Variants in ALMS1 observed in about 807,000 individuals in gnomAD.
ALMS1 encodes the protein ALMS1 centrosome and basal body associated protein.
Under a neutral mutation model 352.2 loss-of-function variants are expected in ALMS1, and 271 were observed. The ratio of observed to expected loss-of-function variants is 0.77; its 90% CI spans 0.70 to 0.85. The LOEUF (loss-of-function observed/expected upper bound fraction) is 0.85, where lower values mean the gene tolerates loss of function less well. Among genes scored for constraint, ALMS1 ranks in the 40% least tolerant of loss-of-function variants. The pLI is 0.00. For synonymous variants in ALMS1, 1,865 were observed against 1,761.2 expected (o/e 1.06, Z -1.48); for missense variants, 5,445 against 4,870.7 (o/e 1.12, Z -3.51).
intron 9 of ALMS1, among the ~76,000 whole-genome samples, chr2:73,473,147 C>T (rs190268763): frequency 1.3e-3 from 198 of 152,214 alleles, no homozygotes; most frequent in Non-Finnish European, 2.0e-3. Context: ...AGCTGACCTT[C>T]AGGCTCTGCC....
intron 1 of ALMS1, among the ~76,000 whole-genome samples, chr2:73,396,319 C>T (rs887628368): frequency 6.6e-6 from 1 of 151,808 alleles, no homozygotes; most frequent in African/African-American, 2.4e-5. Context: ...CACACACACA[C>T]ACACACACAC....
chr2:73,572,209 A>T, intron 15 of ALMS1, 53 bp from the exon 16 acceptor site: 1 of 1,456,346 alleles, frequency 6.9e-7, no homozygotes, highest in Non-Finnish European at 9.4e-7. Flanking sequence ...AGTATTTCTA[A>T]ACAGAATGCT....
rs767001515 is a variant in ALMS1 at position 73,602,319 on chromosome 2, C to G, written c.12249C>G (p.Asp4083Glu). 2 of 1,614,240 alleles carry G rather than the reference C, an allele frequency of 1.2e-6. No individual in the cohort carries two copies. Among genetic ancestry groups the G allele is most frequent in the Non-Finnish European group, 1.7e-6 (2 of 1,180,034 alleles). ...QTERDALFNI[D>E]RERQGHQNRM... is the part of the protein sequence containing the mutation. The stretch of plus-strand genomic sequence containing the variant: ...AGCGGGATGCACTATTCAACATTGA[C>G]AGGGAACGGCAGGGCCACCAGAATC... The change falls in exon 20 of 23, where the codon GAC becomes GAG. Residue 4083 changes from aspartate (D) to glutamate (E), a missense_variant. By Grantham distance (45) the Asp-to-Glu change is conservative. Coordinates refer to ENST00000613296, the MANE Select transcript of ALMS1 (RefSeq NM_001378454.1).
At chr2:73,484,897 A>G (rs560627142) in intron 9 of ALMS1, among the ~76,000 whole-genome samples, 1 of 152,126 alleles carries the variant, frequency 6.6e-6, no homozygotes, top group African/African-American at 2.4e-5. Flanking sequence ...TTCTTCACAT[A>G]GTTCTCGAGC....
In ALMS1 at chr2:73,452,502, A is replaced by C. The variant is rs746202114; in HGVS notation, c.5975A>C (p.His1992Pro). The C allele has an allele frequency of 1.2e-6, 2 of 1,614,124 alleles. No individual in the cohort carries two copies. Among genetic ancestry groups the C allele is most frequent in the Non-Finnish European group, 1.7e-6 (2 of 1,180,002 alleles). ...IGLSSSYSHSHKEKLKISTVH... is the reference protein window; with the variant it reads ...IGLSSSYSHSPKEKLKISTVH... ...CTGTCTAGTTCCTACTCACATTCAC[A>C]TAAAGAGAAACTCAAGATTTCAACT... The change falls in exon 8 of 23, where the codon CAT (histidine) becomes CCT (proline). Residue 1992 changes from histidine to proline, a missense_variant. His to Pro is a moderately conservative substitution (Grantham distance 77, BLOSUM62 -2). Coordinates refer to ENST00000613296, the MANE Select transcript of ALMS1 (RefSeq NM_001378454.1).
intron 21 of ALMS1, among the ~76,000 whole-genome samples, chr2:73,606,304 G>A (rs6546852): frequency 0.38 from 57,633 of 152,080 alleles, 15,072 homozygotes; most frequent in African/African-American, 0.74. Context: ...TTCAGCATTT[G>A]GGAGTGTGAA....
At chr2:73,400,623 A>G (rs959062141) in intron 1 of ALMS1, among the ~76,000 whole-genome samples, 3 of 152,174 alleles carry the variant, frequency 2.0e-5, no homozygotes, top group Non-Finnish European at 2.9e-5. Flanking sequence ...TCGAATAGAT[A>G]TAGGCCTCTT....
intron 9 of ALMS1, among the ~76,000 whole-genome samples, chr2:73,476,505 A>C (rs1402634016): frequency 6.6e-6 from 1 of 151,940 alleles, no homozygotes; most frequent in East Asian, 1.9e-4. Flanking sequence ...CACTGTTTAC[A>C]TTCCCACCAG....
intron 9 of ALMS1, among the ~76,000 whole-genome samples, chr2:73,460,495 A>G (rs1257596099): frequency 6.6e-6 from 1 of 152,218 alleles, no homozygotes; most frequent in African/African-American, 2.4e-5. Flanking sequence ...GCTCCGGTCT[A>G]CAGCTCCCAG....
rs1192396248 is a variant in ALMS1 at position 73,572,699 on chromosome 2, C to T, written c.10822C>T (p.Arg3608Ter). 8.1e-6 allele frequency: 13 copies of T among 1,613,836 alleles called. No individual in the cohort carries two copies. Among genetic ancestry groups the T allele is most frequent in the South Asian group, 4.4e-5 (4 of 91,046 alleles). Residue 3608 changes from arginine (R) to a stop codon, truncating the protein, a stop_gained, in exon 16 of 23, where the codon CGA becomes TGA. Transcript: ENST00000613296. LOFTEE classifies it high-confidence loss of function. Reference protein sequence around the residue: ...LNELWNKYRERQRQQRQPELG... With the variant: ...LNELWNKYRE ...TGAACTGTGGAACAAGTATCGGGAG[C>T]GACAGAGGCAACAGAGACAGCCTGA... is the stretch of plus-strand genomic sequence containing the variant.
At chr2:73,592,536 TAAGCCTGAGTGATTATAA>T (rs1675455316) in intron 16 of ALMS1, among the ~76,000 whole-genome samples, 1 of 152,224 alleles carries the variant, frequency 6.6e-6, no homozygotes, top group South Asian at 2.1e-4. Context: ...TCTCTGGTCC[TAAGCCTGAGTGATTATAA>T]ATGAATTAGC....
rs200925575 is a variant in ALMS1 at position 73,451,980 on chromosome 2, G to T, written c.5453G>T (p.Arg1818Leu). Reference protein sequence around the residue: ...HREKPIVSYQRELPHFTEAGL... With the variant: ...HREKPIVSYQLELPHFTEAGL... ...GAGAAGCCCATTGTTTCCTACCAGC[G>T]AGAGTTGCCGCATTTTACTGAAGCA... Residue 1818 changes from arginine to leucine, a missense_variant, in exon 8 of 23, where the codon CGA (arginine) becomes CTA (leucine). Arg to Leu is a moderately radical substitution (Grantham distance 102). Coordinates refer to ENST00000613296, the MANE Select transcript of ALMS1 (RefSeq NM_001378454.1). The T allele has an allele frequency of 7.5e-5, 121 of 1,612,200 alleles. No homozygotes were observed. Among genetic ancestry groups the T allele is most frequent in the Non-Finnish European group, 7.0e-5 (82 of 1,179,424 alleles).
intron 1 of ALMS1, among the ~76,000 whole-genome samples, chr2:73,396,865 C>A (rs1023141029): frequency 6.6e-6 from 1 of 152,022 alleles, no homozygotes; most frequent in Non-Finnish European, 1.5e-5. Context: ...GGGATGGTCT[C>A]GATCTCCTGA....
At chr2:73,458,951 T>C (rs1395433498) in intron 9 of ALMS1, 2 of 152,230 alleles carry the variant, frequency 1.3e-5, no homozygotes, top group Non-Finnish European at 2.9e-5. Context: ...TACAAGACAG[T>C]TCCACACAAT....
At chr2:73,515,745 C>T (rs1467778852) in intron 10 of ALMS1, among the ~76,000 whole-genome samples, 2 of 148,826 alleles carry the variant, frequency 1.3e-5, no homozygotes, top group Non-Finnish European at 3.0e-5. Flanking sequence ...ACAAAGGTGA[C>T]ATTATCACTG....
chr2:73,501,024 C>T (rs1340460602), intron 10 of ALMS1, among the ~76,000 whole-genome samples: 5 of 152,130 alleles, frequency 3.3e-5, no homozygotes, highest in African/African-American at 1.2e-4. Context: ...TTTAATTTCA[C>T]TCATTCTAAA....
intron 5 of ALMS1, 89 bp from the exon 6 acceptor site, chr2:73,426,364 T>C: frequency 7.7e-7 from 1 of 1,303,900 alleles, no homozygotes; most frequent in South Asian, 1.2e-5. Flanking sequence ...TGAAAGCTGA[T>C]ATAGGCCAAG....
rs560317562 is a variant in ALMS1 at position 73,550,339 on chromosome 2, C to G, written c.9980C>G (p.Thr3327Ser). 6.2e-7 allele frequency: 1 copy of G among 1,614,152 alleles called. No individual in the cohort carries two copies. Among genetic ancestry groups the G allele is most frequent in the South Asian group, 1.1e-5 (1 of 91,072 alleles). The change falls in exon 13 of 23, where the codon ACT becomes AGT. Residue 3327 changes from threonine (T) to serine (S), a missense_variant. Transcript: ENST00000613296. ...ACAAGAGATGATGACCTCTCAGCCA[C>G]TGTTAACATTAAACATAAAGAAGGA... ...LGTRDDDLSA[T>S]VNIKHKEGIY...
At chr2:73,602,587 C>T (rs181975100) in intron 20 of ALMS1, among the ~76,000 whole-genome samples, 112 of 152,324 alleles carry the variant, frequency 7.4e-4, no homozygotes, top group Middle Eastern at 3.4e-3. Flanking sequence ...TAAGCCCTGT[C>T]ACTGCATCGT....
Sources: gnomAD v4.1 joint callset for allele counts (sites outside exome capture counted in the v4.1 genomes callset) on GRCh38, gnomAD v4.1.1 for gene constraint, MANE v1.5 for transcripts, NCBI Gene and HGNC (gene_info 2026-07-23, HGNC 2026-07-21) for gene names.